IL7: variants seen among roughly 807,000 people sequenced by gnomAD.
IL7 encodes the protein interleukin-7.
In IL7, 3 loss-of-function variants were observed where a neutral mutation model predicts 21.6. The ratio of observed to expected loss-of-function variants is 0.14; its 90% CI spans 0.06 to 0.36. The LOEUF (loss-of-function observed/expected upper bound fraction) is 0.36, where lower values mean the gene tolerates loss of function less well. Among genes scored for constraint, IL7 ranks in the 10% least tolerant of loss-of-function variants. The probability of loss-of-function intolerance (pLI) is 1.00; values close to 1 mark genes in which losing one functional copy is unlikely to be tolerated. For missense variants in IL7, 175 were observed against 200.2 expected, an observed-to-expected ratio of 0.87 and a Z score of 0.76; for synonymous variants, 62 against 68.1, an observed-to-expected ratio of 0.91 and a Z score of 0.44.
chr8:78,702,262 G>T (rs1313417599), intron 3 of IL7, among the ~76,000 whole-genome samples: 1 of 152,062 alleles, frequency 6.6e-6, no homozygotes, highest in Non-Finnish European at 1.5e-5. Flanking sequence ...GTGTATTGAG[G>T]TATTCATAAT....
chr8:78,757,847 G>A (rs1289110745), intron 2 of IL7, among the ~76,000 whole-genome samples: 3 of 152,018 alleles, frequency 2.0e-5, no homozygotes, highest in African/African-American at 7.2e-5. Context: ...CCCATGTGTT[G>A]TGGGAGGGAC....
At chr8:78,793,740 T>C (rs770468461) in intron 2 of IL7, among the ~76,000 whole-genome samples, 3 of 152,158 alleles carry the variant, frequency 2.0e-5, no homozygotes, top group Non-Finnish European at 4.4e-5. Context: ...GATTCCTCTG[T>C]AGCATGTGAT....
At chr8:78,789,133 G>C (rs1813604290) in intron 2 of IL7, among the ~76,000 whole-genome samples, 1 of 151,868 alleles carries the variant, frequency 6.6e-6, no homozygotes, top group South Asian at 2.1e-4. Flanking sequence ...GTTTCTTTTA[G>C]GCAACGTAAA....
intron 3 of IL7, among the ~76,000 whole-genome samples, chr8:78,692,950 C>G (rs1285848356): frequency 6.6e-6 from 1 of 152,052 alleles, no homozygotes; most frequent in Non-Finnish European, 1.5e-5. Context: ...TCTCATTGTT[C>G]AATTCCCACC....
At chr8:78,707,407 T>C (rs1228902514) in intron 3 of IL7, among the ~76,000 whole-genome samples, 1 of 152,194 alleles carries the variant, frequency 6.6e-6, no homozygotes, top group Non-Finnish European at 1.5e-5. Context: ...CTAAATAGCT[T>C]TGGGCATGTA....
At chr8:78,732,363 G>GT (rs1384820216), downstream of IL7, among the ~76,000 whole-genome samples, 1 of 152,110 alleles carries the variant, frequency 6.6e-6, no homozygotes, top group Non-Finnish European at 1.5e-5. Context: ...GTCAAGGAAA[G>GT]TGAGAGAAGG....
chr8:78,771,871 ATAGT>A (rs1286868555), intron 2 of IL7, among the ~76,000 whole-genome samples: 1 of 152,008 alleles, frequency 6.6e-6, no homozygotes, highest in Non-Finnish European at 1.5e-5. Context: ...GTACCTTCAC[ATAGT>A]TAGGGGAATA....
At chr8:78,803,923 C>G (rs552489880) in intron 1 of IL7, among the ~76,000 whole-genome samples, 1 of 152,120 alleles carries the variant, frequency 6.6e-6, no homozygotes. Flanking sequence ...CTTGATCTAA[C>G]GGAGTAGCCA....
At chr8:78,717,596 G>A (rs907209906), downstream of IL7, 17 of 1,269,828 alleles carry the variant, frequency 1.3e-5, no homozygotes, top group African/African-American at 3.0e-5. Flanking sequence ...AAAAATACTC[G>A]AAATACCATT....
intron 3 of IL7, among the ~76,000 whole-genome samples, chr8:78,687,668 T>TTACGTAA (rs1810045862): frequency 8.2e-6 from 1 of 121,970 alleles, no homozygotes; most frequent in Non-Finnish European, 1.6e-5. Flanking sequence ...TTATATATAT[T>TTACGTAA]TACGTAATAC....
At chr8:78,762,509 G>C in intron 2 of IL7, 2 of 1,138,806 alleles carry the variant, frequency 1.8e-6, no homozygotes, top group Non-Finnish European at 2.3e-6. Flanking sequence ...CGGGGCCGGG[G>C]AGGGGAGCCA....
At chr8:78,797,299 G>T (rs1175057280) in intron 2 of IL7, among the ~76,000 whole-genome samples, 3 of 151,924 alleles carry the variant, frequency 2.0e-5, no homozygotes, top group Non-Finnish European at 2.9e-5. Flanking sequence ...TTTACCATAT[G>T]ATTTGTATGA....
At chr8:78,792,811 C>T (rs796366654) in intron 2 of IL7, among the ~76,000 whole-genome samples, 25 of 151,992 alleles carry the variant, frequency 1.6e-4, no homozygotes, top group African/African-American at 5.5e-4. Flanking sequence ...AAAATCAGAG[C>T]CTTAACTGCT....
chr8:78,680,286 C>CAAAAA (rs3070855), intron 4 of IL7, among the ~76,000 whole-genome samples: 15 of 88,136 alleles, frequency 1.7e-4, no homozygotes, highest in African/African-American at 5.0e-4. Context: ...GACTCCGTCT[C>CAAAAA]AAAAAAAAAA....
intron 1 of IL7, among the ~76,000 whole-genome samples, chr8:78,802,914 T>G (rs1814130366): frequency 6.6e-6 from 1 of 152,218 alleles, no homozygotes. Flanking sequence ...ACTAAGGTAC[T>G]TCCTGGCCAA....
chr8:78,717,609 C>A, downstream of IL7: 1 of 1,175,024 alleles, frequency 8.5e-7, no homozygotes, highest in East Asian at 2.4e-5. Context: ...ATACCATTTC[C>A]AGTTAATTTT....
At chr8:78,744,556 T>C (rs1811911304) in intron 2 of IL7, among the ~76,000 whole-genome samples, 1 of 152,178 alleles carries the variant, frequency 6.6e-6, no homozygotes, top group Non-Finnish European at 1.5e-5. Flanking sequence ...TCCAAGCCAA[T>C]GTGTCTTATC....
downstream of IL7, among the ~76,000 whole-genome samples, chr8:78,730,734 A>C (rs1486970720): frequency 6.6e-6 from 1 of 152,010 alleles, no homozygotes; most frequent in African/African-American, 2.4e-5. Context: ...AAAGGAAGAC[A>C]AAGATCATAA....
chr8:78,681,960 T>C (rs1199903954), intron 4 of IL7, among the ~76,000 whole-genome samples: 1 of 151,582 alleles, frequency 6.6e-6, no homozygotes, highest in Non-Finnish European at 1.5e-5. Context: ...CAGGCTGGTG[T>C]TGAACTCCTG....
Sources: gnomAD v4.1 joint callset for allele counts (sites outside exome capture counted in the v4.1 genomes callset) on GRCh38, gnomAD v4.1.1 for gene constraint, MANE v1.5 for transcripts, NCBI Gene and HGNC (gene_info 2026-07-23, HGNC 2026-07-21) for gene names.